Variants in NPL observed in about 807,000 individuals in gnomAD.
NPL encodes the protein N-acetylneuraminate pyruvate lyase, also known as N-acetylneuraminate lyase.
In NPL, 32 loss-of-function variants were observed where a neutral mutation model predicts 41.1. That is an observed-to-expected ratio of 0.78 (90% CI 0.59 to 1.05). NPL has a LOEUF of 1.05. Ranked by LOEUF, NPL falls within the 50% of genes least tolerant of loss-of-function variation. NPL has a pLI of 0.00. For synonymous variants in NPL, 128 were observed against 134.9 expected, an observed-to-expected ratio of 0.95 and a Z score of 0.35; for missense variants, 321 against 378.4, an observed-to-expected ratio of 0.85 and a Z score of 1.26.
intron 3 of NPL, among the ~76,000 whole-genome samples, chr1:182,796,755 G>A (rs1173108434): frequency 2.0e-5 from 3 of 152,080 alleles, no homozygotes; most frequent in East Asian, 1.9e-4. Context: ...GAGCTCTCTC[G>A]GCCGGGCACG....
At position 182,829,172 on chromosome 1, in the gene NPL, A is replaced by G; in HGVS notation, c.*264A>G. On this transcript the variant is annotated 3_prime_UTR_variant, in exon 13 of 13. Coordinates refer to ENST00000367553, the MANE Select transcript of NPL (RefSeq NM_030769.3). ...TGTTTATATGGATGAAATGGAATCA[A>G]GAGGAAAATTGTAATTGATTAATTC... The G allele has an allele frequency of 7.6e-7, 1 of 1,322,148 alleles. No homozygotes were observed. Among genetic ancestry groups the G allele is most frequent in the Non-Finnish European group, 9.6e-7 (1 of 1,037,154 alleles). 81.9% of individuals were successfully genotyped at this position (1,322,148 alleles called of 1,614,324 possible).
intron 6 of NPL, among the ~76,000 whole-genome samples, chr1:182,812,630 A>G (rs1380319682): frequency 1.3e-5 from 2 of 152,192 alleles, no homozygotes; most frequent in Non-Finnish European, 1.5e-5. Context: ...CTAAAACACA[A>G]AAGGATTGCT....
intron 10 of NPL, among the ~76,000 whole-genome samples, chr1:182,821,482 T>A (rs1170780078): frequency 6.6e-6 from 1 of 152,204 alleles, no homozygotes; most frequent in Non-Finnish European, 1.5e-5. Context: ...AAAGCTTTCA[T>A]GGAAACCCTG....
chr1:182,807,248 G>A (rs997797186), intron 5 of NPL, among the ~76,000 whole-genome samples: 1 of 151,972 alleles, frequency 6.6e-6, no homozygotes, highest in African/African-American at 2.4e-5. Context: ...ATCCGGTAGG[G>A]GTGTTAGATC....
chr1:182,829,305 A>T lies in NPL; in HGVS notation c.*397A>T. The T allele has an allele frequency of 8.4e-7, 1 of 1,196,120 alleles. No individual in the cohort carries two copies. Among genetic ancestry groups the T allele is most frequent in the South Asian group, 2.3e-5 (1 of 42,708 alleles). The allele number at this position is 1,196,120 out of a possible 1,614,324, so 74.1% of individuals were successfully genotyped here. A position where few individuals can be genotyped will look rare whatever the true frequency, so the allele number is the denominator to read the frequency against. On this transcript the variant is annotated 3_prime_UTR_variant, in exon 13 of 13. Transcript: ENST00000367553. ...TATGTCTTCATTTTAATAAATATTC[A>T]TTTGGAATCTAGGAAAACTCTGAGC...
intron 10 of NPL, among the ~76,000 whole-genome samples, chr1:182,820,271 A>G (rs551410408): frequency 6.6e-6 from 1 of 152,366 alleles, no homozygotes; most frequent in East Asian, 1.9e-4. Context: ...TCATAAGAAT[A>G]TGCTTCCAAG....
intron 3 of NPL, among the ~76,000 whole-genome samples, chr1:182,801,012 G>A (rs1010542151): frequency 1.3e-5 from 2 of 152,068 alleles, no homozygotes; most frequent in African/African-American, 4.8e-5. Context: ...TTACAGGCAT[G>A]AGCCACCATG....
intron 6 of NPL, among the ~76,000 whole-genome samples, chr1:182,814,219 G>A (rs1352814346): frequency 6.6e-6 from 1 of 152,188 alleles, no homozygotes. Flanking sequence ...AACCTGGTAG[G>A]TTTAGGTACT....
chr1:182,813,078 A>T (rs1232568256), intron 6 of NPL, among the ~76,000 whole-genome samples: 1 of 150,616 alleles, frequency 6.6e-6, no homozygotes, highest in African/African-American at 2.4e-5. Context: ...GCTTGAACCC[A>T]GGAGGCGGAG....
At chr1:182,791,345 A>C (rs1666510789) in intron 1 of NPL, 1 of 152,234 alleles carries the variant, frequency 6.6e-6, no homozygotes, top group Non-Finnish European at 1.5e-5. Flanking sequence ...GCAGACAGAC[A>C]GTGAAAGGTA....
At position 182,801,458 on chromosome 1, in the gene NPL, C is replaced by T. The variant is rs146897336; in HGVS notation, c.69-2240C>T. On this transcript the variant is annotated intron_variant, in intron 3 of 12. Coordinates refer to ENST00000367553, the MANE Select transcript of NPL (RefSeq NM_030769.3). ...AAGTTCATGGAGAAAAAAGGAGCTT[C>T]TAGTTTCACATACTGGCCTAGACCT... 1.8e-3 allele frequency among the ~76,000 whole-genome samples: 276 copies of T among 152,276 alleles called. 1 individual carries two copies. Among genetic ancestry groups the T allele is most frequent in the African/African-American group, 6.1e-3 (254 of 41,554 alleles).
intron 3 of NPL, among the ~76,000 whole-genome samples, chr1:182,795,390 A>G (rs1489831851): frequency 6.6e-6 from 1 of 152,240 alleles, no homozygotes; most frequent in Non-Finnish European, 1.5e-5. Context: ...AAAAGTTTGA[A>G]CTGCCTTTAT....
chr1:182,824,748 G>A (rs1486551394), intron 11 of NPL, among the ~76,000 whole-genome samples: 1 of 152,146 alleles, frequency 6.6e-6, no homozygotes, highest in African/African-American at 2.4e-5. Context: ...AGTGAGGCGA[G>A]ATCATGCCAC....
At position 182,828,146 on chromosome 1, in the gene NPL, A is replaced by G. The variant is rs9286847; in HGVS notation, c.779-578A>G. 0.045 allele frequency among the ~76,000 whole-genome samples: 6,849 copies of G among 152,164 alleles called. 459 individuals are homozygous for G. Among genetic ancestry groups the G allele is most frequent in the African/African-American group, 0.15 (6,245 of 41,480 alleles). ...TTCTATTGCTTTTTACAGAAGGCTG[A>G]CTACCAGTTTTACATAGGTAGTTTA... On this transcript the variant is annotated intron_variant, in intron 12 of 12. Coordinates refer to ENST00000367553, the MANE Select transcript of NPL (RefSeq NM_030769.3). This position sits in a 1 kb window ranked among gnomAD's most constrained non-coding sequence, Gnocchi z 4.0.
intron 12 of NPL, 101 bp downstream of exon 12, chr1:182,825,921 G>T: frequency 1.1e-6 from 1 of 898,970 alleles, no homozygotes; most frequent in South Asian, 1.3e-5. Flanking sequence ...ACTTTTTAAT[G>T]GTCTGTTGCA....
intron 5 of NPL, chr1:182,806,645 C>T: frequency 8.4e-7 from 1 of 1,195,670 alleles, no homozygotes; most frequent in Non-Finnish European, 1.2e-6. Context: ...GCCCACTTCT[C>T]CTGACAGGTC....
At chr1:182,817,538 G>A (rs1002715471) in intron 8 of NPL, among the ~76,000 whole-genome samples, 1 of 152,194 alleles carries the variant, frequency 6.6e-6, no homozygotes, top group Non-Finnish European at 1.5e-5. Context: ...GTCTACTGGA[G>A]TTAGCACTGG....
chr1:182,809,573 G>A (rs1016368137), intron 5 of NPL, among the ~76,000 whole-genome samples: 1 of 151,786 alleles, frequency 6.6e-6, no homozygotes, highest in Non-Finnish European at 1.5e-5. Flanking sequence ...GAAGCTAGGA[G>A]GAAAGCAAAT....
intron 5 of NPL, among the ~76,000 whole-genome samples, chr1:182,808,722 A>C (rs1667091878): frequency 1.3e-5 from 2 of 152,126 alleles, no homozygotes; most frequent in Admixed American, 1.3e-4. Flanking sequence ...TGGGAGACCA[A>C]GGCAGGCAGA....
Sources: gnomAD v4.1 joint callset for allele counts (sites outside exome capture counted in the v4.1 genomes callset) on GRCh38, gnomAD v4.1.1 for gene constraint, Gnocchi (gnomAD v3.1) non-coding constraint, MANE v1.5 for transcripts, NCBI Gene and HGNC (gene_info 2026-07-23, HGNC 2026-07-21) for gene names.